Variants in WWOX observed in about 807,000 individuals in gnomAD.
WWOX encodes the protein WW domain containing oxidoreductase.
A neutral mutation model predicts 46.2 loss-of-function variants in WWOX; 69 were observed. The ratio of observed to expected loss-of-function variants is 1.49; its 90% CI spans 1.23 to 1.82. The LOEUF (loss-of-function observed/expected upper bound fraction) is 1.82, where lower values mean the gene tolerates loss of function less well. WWOX is among the 40% of genes most tolerant of loss of function. The probability of loss-of-function intolerance (pLI) is 0.00; values close to 1 mark genes in which losing one functional copy is unlikely to be tolerated. For synonymous variants in WWOX, 359 were observed against 202.6 expected, an observed-to-expected ratio of 1.77 and a Z score of -6.56; for missense variants, 919 against 542.6, an observed-to-expected ratio of 1.69 and a Z score of -6.89.
intron 8 of WWOX, among the ~76,000 whole-genome samples, chr16:78,884,530 A>G (rs2044412876): frequency 6.6e-6 from 1 of 152,196 alleles, no homozygotes; most frequent in Non-Finnish European, 1.5e-5. Context: ...ATGACTTAGA[A>G]CTAAATTCAA....
chr16:78,899,875 C>T (rs964486927), intron 8 of WWOX, among the ~76,000 whole-genome samples: 1 of 152,150 alleles, frequency 6.6e-6, no homozygotes, highest in Non-Finnish European at 1.5e-5. Context: ...AACATAAATA[C>T]AGCCCATTAA....
At chr16:78,806,697 T>C (rs1362379240) in intron 8 of WWOX, among the ~76,000 whole-genome samples, 1 of 152,142 alleles carries the variant, frequency 6.6e-6, no homozygotes, top group Non-Finnish European at 1.5e-5. Flanking sequence ...TGGCCTTCCA[T>C]AGAAGTTACA....
Position 78,615,756 on chromosome 16 carries a change from T to C in WWOX, c.1056+183004T>C, listed in dbSNP as rs8059731. Among the ~76,000 whole-genome samples, 1,250 of 151,668 alleles carry C rather than the reference T, an allele frequency of 8.2e-3. 17 individuals are homozygous for C. The highest frequency in any genetic ancestry group is 0.028 in the African/African-American group (1,142 of 41,430). ...GTTTTAGGAAATCAATAGGATAATT[T>C]TTTTTTTTTTTTGAGGCGGAGTCTC... is the stretch of plus-strand genomic sequence containing the variant. On this transcript the variant is annotated intron_variant, in intron 8 of 8. Transcript: ENST00000566780.
intron 5 of WWOX, among the ~76,000 whole-genome samples, chr16:78,170,445 A>G (rs1360744415): frequency 1.3e-5 from 2 of 152,234 alleles, no homozygotes; most frequent in African/African-American, 4.8e-5. Flanking sequence ...AATAACAACA[A>G]TAATAATATT....
In WWOX at chr16:79,070,268, A is replaced by ATGTGTGTGTGTGTGTG. The variant is rs4035490; in HGVS notation, c.1057-141316_1057-141301dup. 3.2e-3 allele frequency among the ~76,000 whole-genome samples: 460 copies of ATGTGTGTGTGTGTGTG among 145,172 alleles called. 1 individual carries two copies. The highest frequency in any genetic ancestry group is 5.9e-3 in the Admixed American group (86 of 14,486). On this transcript the variant is annotated intron_variant, in intron 8 of 8. Transcript: ENST00000566780. ...GTTTGTTCTTAGGAATGTGTTTCTG[A>ATGTGTGTGTGTGTGTG]TGTGTGTGTGTGTGTGTGTGTGTGT...
chr16:79,031,173 T>C (rs1351619891), intron 8 of WWOX, among the ~76,000 whole-genome samples: 1 of 152,060 alleles, frequency 6.6e-6, no homozygotes, highest in African/African-American at 2.4e-5. Flanking sequence ...TCTTATGATA[T>C]GCGGAAGCCT....
At chr16:78,122,533 ATTTGATCT>A (rs1017371188) in intron 4 of WWOX, among the ~76,000 whole-genome samples, 1 of 152,156 alleles carries the variant, frequency 6.6e-6, no homozygotes, top group Non-Finnish European at 1.5e-5. Context: ...AATTAAAATA[ATTTGATCT>A]TTTGCTTTTA....
intron 8 of WWOX, among the ~76,000 whole-genome samples, chr16:78,964,713 C>T (rs1212545720): frequency 2.0e-5 from 3 of 151,804 alleles, no homozygotes; most frequent in East Asian, 1.9e-4. Context: ...AAAATGTCTC[C>T]AGGCCATGTC....
chr16:78,460,624 G>A (rs1195050165), intron 8 of WWOX, among the ~76,000 whole-genome samples: 1 of 152,216 alleles, frequency 6.6e-6, no homozygotes, highest in East Asian at 1.9e-4. Context: ...TTGAAAGAGG[G>A]AGAACTGATG....
intron 5 of WWOX, among the ~76,000 whole-genome samples, chr16:78,362,939 G>C (rs977544378): frequency 1.3e-5 from 2 of 152,190 alleles, no homozygotes; most frequent in African/African-American, 2.4e-5. Flanking sequence ...GGTTGCATGG[G>C]ACAGTGTCCA....
chr16:78,357,179 G>C (rs11150063), intron 5 of WWOX, among the ~76,000 whole-genome samples: 112,783 of 152,044 alleles, frequency 0.74, 43,266 homozygotes, highest in African/African-American at 0.84. Flanking sequence ...TGATGTTTGA[G>C]AGTACTCCTT....
At chr16:78,921,968 C>T (rs185717946) in intron 8 of WWOX, among the ~76,000 whole-genome samples, 1 of 152,302 alleles carries the variant, frequency 6.6e-6, no homozygotes, top group East Asian at 1.9e-4. Context: ...GGGGCAAAGT[C>T]CAAGACAAGT....
chr16:78,169,670 G>T (rs2035089332), intron 5 of WWOX, among the ~76,000 whole-genome samples: 1 of 151,926 alleles, frequency 6.6e-6, no homozygotes, highest in South Asian at 2.1e-4. Context: ...CCGGAACTTG[G>T]GATCTAAAAC....
chr16:78,694,279 C>T (rs1013373295), intron 8 of WWOX, among the ~76,000 whole-genome samples: 3 of 152,084 alleles, frequency 2.0e-5, no homozygotes, highest in East Asian at 1.9e-4. Flanking sequence ...CGGGTCAAAG[C>T]GATCCCCCCA....
chr16:78,814,489 G>T (rs1306358704), intron 8 of WWOX, among the ~76,000 whole-genome samples: 1 of 151,832 alleles, frequency 6.6e-6, no homozygotes. Flanking sequence ...AAAATTAAGT[G>T]AACCTCTACT....
chr16:78,239,227 G>T (rs1487130982), intron 5 of WWOX, among the ~76,000 whole-genome samples: 2 of 152,188 alleles, frequency 1.3e-5, no homozygotes, highest in Admixed American at 6.5e-5. Context: ...CTGTAATGTG[G>T]ACTGTGGCAT....
intron 8 of WWOX, among the ~76,000 whole-genome samples, chr16:78,598,718 A>G (rs2045551118): frequency 6.6e-6 from 1 of 152,200 alleles, no homozygotes; most frequent in African/African-American, 2.4e-5. Flanking sequence ...AGGAGTTAAT[A>G]TGCCAGTGAC....
chr16:78,858,969 A>C (rs2052637090), intron 8 of WWOX, among the ~76,000 whole-genome samples: 1 of 138,840 alleles, frequency 7.2e-6, no homozygotes. Flanking sequence ...GTGAGCCACC[A>C]CGGCTGGCCA....
intron 8 of WWOX, among the ~76,000 whole-genome samples, chr16:78,931,228 GAGATGCT>G (rs1450769001): frequency 6.6e-6 from 1 of 152,180 alleles, no homozygotes; most frequent in Non-Finnish European, 1.5e-5. Context: ...CAAGACCCTG[GAGATGCT>G]GTGTGGGGAG....
Sources: gnomAD v4.1 joint callset for allele counts (sites outside exome capture counted in the v4.1 genomes callset) on GRCh38, gnomAD v4.1.1 for gene constraint, MANE v1.5 for transcripts, NCBI Gene and HGNC (gene_info 2026-07-23, HGNC 2026-07-21) for gene names.